Variants in OCA2 observed in about 807,000 individuals in gnomAD.
OCA2 encodes P protein.
In OCA2, 77 loss-of-function variants were observed where a neutral mutation model predicts 100.2. The ratio of observed to expected loss-of-function variants is 0.77; its 90% CI spans 0.64 to 0.93. The LOEUF is 0.93. Ranked by LOEUF, OCA2 falls within the 40% of genes least tolerant of loss-of-function variation. The probability of loss-of-function intolerance (pLI) is 0.00; values close to 1 mark genes in which losing one functional copy is unlikely to be tolerated. For synonymous variants in OCA2, 432 were observed against 439.2 expected (o/e 0.98, Z 0.21); for missense variants, 1,062 against 1,089.1 (o/e 0.98, Z 0.35).
intron 19 of OCA2, among the ~76,000 whole-genome samples, chr15:27,879,195 T>C (rs1447295868): frequency 1.3e-5 from 2 of 152,224 alleles, no homozygotes; most frequent in Non-Finnish European, 2.9e-5. Context: ...TTGTTCCTTT[T>C]TATGGCTGCA....
chr15:27,961,183 C>G (rs1278977683), intron 15 of OCA2, among the ~76,000 whole-genome samples: 2 of 152,092 alleles, frequency 1.3e-5, no homozygotes, highest in African/African-American at 2.4e-5. Flanking sequence ...ATGCGACCAA[C>G]AAACATATGA....
intron 13 of OCA2, 149 bp downstream of exon 13, chr15:27,984,915 G>C: frequency 1.1e-6 from 1 of 906,368 alleles, no homozygotes; most frequent in South Asian, 1.4e-5. Flanking sequence ...AAGCAGACAC[G>C]AGCTGGACTG....
chr15:27,991,655 C>A (rs2041559715), intron 9 of OCA2, among the ~76,000 whole-genome samples: 1 of 32,030 alleles, frequency 3.1e-5, no homozygotes, highest in Admixed American at 3.5e-4. Context: ...GAACTCTAAA[C>A]TGGTAAAAAT....
intron 23 of OCA2, among the ~76,000 whole-genome samples, chr15:27,798,963 C>T (rs377002819): frequency 1.3e-5 from 2 of 152,182 alleles, no homozygotes; most frequent in African/African-American, 4.8e-5. Context: ...TGGGCTGTTA[C>T]ATAAAGAGAG....
intron 6 of OCA2, among the ~76,000 whole-genome samples, chr15:28,020,768 A>G (rs1477831074): frequency 6.6e-6 from 1 of 152,166 alleles, no homozygotes; most frequent in Non-Finnish European, 1.5e-5. Context: ...CACCGCCCTG[A>G]CCCCAGTGGA....
At chr15:27,744,569 T>A in the OCA2 span, among the ~76,000 whole-genome samples, 1 of 152,232 alleles carries the variant, frequency 6.6e-6, no homozygotes, top group African/African-American at 2.4e-5. Flanking sequence ...CATATTCAGT[T>A]ATTCTCAGTT....
chr15:28,095,510 A>G (rs1411793123), intron 1 of OCA2, among the ~76,000 whole-genome samples: 1 of 152,168 alleles, frequency 6.6e-6, no homozygotes, highest in Non-Finnish European at 1.5e-5. Context: ...TGAGGTCAGG[A>G]GTTCGTGACC....
At chr15:27,906,078 G>A (rs754205678) in intron 19 of OCA2, among the ~76,000 whole-genome samples, 1 of 152,172 alleles carries the variant, frequency 6.6e-6, no homozygotes, top group Non-Finnish European at 1.5e-5. Context: ...AAAAAATAGG[G>A]TTAGTTAGAA....
chr15:27,734,151 C>CA, the OCA2 span, among the ~76,000 whole-genome samples: 1,585 of 127,304 alleles, frequency 0.012, 31 homozygotes, highest in South Asian at 0.048. Context: ...GGCTCTGTCT[C>CA]AAAAAAAAAA....
chr15:27,761,868 A>T (rs1448654388), intron 23 of OCA2, among the ~76,000 whole-genome samples: 1 of 152,164 alleles, frequency 6.6e-6, no homozygotes, highest in Non-Finnish European at 1.5e-5. Context: ...TCTGTCATCC[A>T]GTCTGGAGCG....
At chr15:27,926,006 G>A (rs2140370203) in intron 19 of OCA2, 121 bp downstream of exon 19, 1 of 1,219,334 alleles carries the variant, frequency 8.2e-7, no homozygotes. Context: ...AACCTTCATT[G>A]TTTTCCACTT....
At chr15:27,856,701 AACAC>A (rs34330347) in intron 21 of OCA2, among the ~76,000 whole-genome samples, 5,992 of 145,722 alleles carry the variant, frequency 0.041, 111 homozygotes, top group African/African-American at 0.049. Context: ...ACACACCCCT[AACAC>A]ACACACACAC....
chr15:28,062,586 CT>C (rs1015980491), intron 2 of OCA2, among the ~76,000 whole-genome samples: 26 of 152,190 alleles, frequency 1.7e-4, no homozygotes, highest in African/African-American at 6.0e-4. Flanking sequence ...AATTTATGTA[CT>C]TTTTTTGTTT....
chr15:27,839,300 T>C (rs2035263988), intron 23 of OCA2, among the ~76,000 whole-genome samples: 1 of 152,130 alleles, frequency 6.6e-6, no homozygotes, highest in Non-Finnish European at 1.5e-5. Flanking sequence ...AAAAAAGATA[T>C]ACACATAGAG....
intron 23 of OCA2, among the ~76,000 whole-genome samples, chr15:27,824,520 G>A (rs1367087585): frequency 6.7e-6 from 1 of 148,944 alleles, no homozygotes; most frequent in African/African-American, 2.5e-5. Flanking sequence ...AAACAGAGGG[G>A]CAGGCACTTA....
downstream of OCA2, among the ~76,000 whole-genome samples, chr15:27,751,881 A>G (rs1479658199): frequency 6.6e-6 from 1 of 152,238 alleles, no homozygotes; most frequent in African/African-American, 2.4e-5. Context: ...CTGACTGTGG[A>G]AAACAGAGTG....
At chr15:27,944,302 A>G (rs911092059) in intron 18 of OCA2, among the ~76,000 whole-genome samples, 1 of 152,182 alleles carries the variant, frequency 6.6e-6, no homozygotes, top group East Asian at 1.9e-4. Context: ...GCCCTCAATT[A>G]TTCTTGGGCT....
At position 27,951,845 on chromosome 15, in the gene OCA2, C is replaced by T; in HGVS notation, c.1890G>A (p.Leu630=). The T allele has an allele frequency of 6.2e-7, 1 of 1,614,046 alleles. No individual in the cohort carries two copies. Among genetic ancestry groups the T allele is most frequent in the Non-Finnish European group, 8.5e-7 (1 of 1,179,940 alleles). Residue 630 remains leucine (L), a synonymous_variant, in exon 18 of 24, where the codon TTG becomes TTA. Coordinates refer to ENST00000354638, the MANE Select transcript of OCA2 (RefSeq NM_000275.3). ...GILLAKCLTV[L]GFVIFMFFLN... ...GGAAAAACATGAAGATAACAAATCC[C>T]AACACTGTCAGGCATTTGGCGAGCA... is the stretch of plus-strand genomic sequence containing the variant.
intron 23 of OCA2, among the ~76,000 whole-genome samples, chr15:27,760,198 A>T (rs971140577): frequency 1.3e-5 from 2 of 152,018 alleles, no homozygotes; most frequent in African/African-American, 4.8e-5. Context: ...ACCACATGGA[A>T]CTGAATGAAA....
Sources: gnomAD v4.1 joint callset for allele counts (sites outside exome capture counted in the v4.1 genomes callset) on GRCh38, gnomAD v4.1.1 for gene constraint, MANE v1.5 for transcripts, NCBI Gene and HGNC (gene_info 2026-07-23, HGNC 2026-07-21) for gene names.